The following ZFHX3 variants were observed in gnomAD, a reference collection of about 807,000 sequenced individuals.
The protein encoded by ZFHX3 is zinc finger homeobox protein 3.
In ZFHX3, 42 loss-of-function variants were observed where a neutral mutation model predicts 279.1. The ratio of observed to expected loss-of-function variants is 0.15; its 90% CI spans 0.12 to 0.19. The LOEUF (loss-of-function observed/expected upper bound fraction) is 0.19, where lower values mean the gene tolerates loss of function less well. ZFHX3 is among the 10% of genes least tolerant of loss of function. ZFHX3 has a pLI of 1.00. For missense variants in ZFHX3, 4,981 were observed against 4,754.0 expected (o/e 1.05, Z -1.40); for synonymous variants, 2,293 against 1,957.8 (o/e 1.17, Z -4.52).
At chr16:73,106,827 G>T (rs984865426) in intron 7 of ZFHX3, among the ~76,000 whole-genome samples, 24 of 152,248 alleles carry the variant, frequency 1.6e-4, no homozygotes, top group African/African-American at 5.8e-4. Context: ...ACTTCCAAGG[G>T]TGTCCTCGTG....
intron 8 of ZFHX3, among the ~76,000 whole-genome samples, chr16:73,068,983 G>T (rs919299270): frequency 1.2e-4 from 18 of 152,212 alleles, no homozygotes; most frequent in African/African-American, 3.9e-4. Flanking sequence ...CCCTTTGGGC[G>T]CAACTGCACA....
At chr16:73,310,557 G>T (rs2015301112) in intron 4 of ZFHX3, among the ~76,000 whole-genome samples, 2 of 152,072 alleles carry the variant, frequency 1.3e-5, no homozygotes, top group African/African-American at 4.8e-5. Flanking sequence ...TGTCACAACT[G>T]GGGTGGCAGC....
At chr16:73,140,961 C>T (rs1035431812) in intron 6 of ZFHX3, among the ~76,000 whole-genome samples, 1 of 152,150 alleles carries the variant, frequency 6.6e-6, no homozygotes, top group African/African-American at 2.4e-5. Flanking sequence ...ATAAGAAGCC[C>T]CTCTCTTTGA....
chr16:73,619,972 A>G (rs906417015), intron 2 of ZFHX3, among the ~76,000 whole-genome samples: 5 of 152,154 alleles, frequency 3.3e-5, no homozygotes, highest in African/African-American at 1.2e-4. Flanking sequence ...TTTTTCTTTA[A>G]GAGTGGGGGC....
At chr16:73,041,576 C>T (rs974468856) in intron 1 of ZFHX3, among the ~76,000 whole-genome samples, 14 of 152,090 alleles carry the variant, frequency 9.2e-5, no homozygotes, top group African/African-American at 3.4e-4. Flanking sequence ...ATGCCCATCT[C>T]AATTACGTTA....
At chr16:73,070,739 G>GAGCC (rs1439507626) in intron 8 of ZFHX3, among the ~76,000 whole-genome samples, 3 of 151,652 alleles carry the variant, frequency 2.0e-5, no homozygotes, top group Non-Finnish European at 4.4e-5. Context: ...TCGCACATGT[G>GAGCC]AGCCTCCCTC....
rs923918513 is a variant in ZFHX3 at position 72,998,128 on chromosome 16, C to T, written c.-49-37934G>A. Among the ~76,000 whole-genome samples, 13 of 151,974 alleles carry T rather than the reference C, an allele frequency of 8.6e-5. No individual in the cohort carries two copies. The South Asian group carries it at 1.5e-3, about 17-fold the overall frequency. ...CAAAAAAATAATTCAAGGCTAGGTG[C>T]GGTGGCTCACACCTATAATCTCAGC... On this transcript the variant is annotated intron_variant, in intron 1 of 9. Coordinates refer to ENST00000268489, the MANE Select transcript of ZFHX3 (RefSeq NM_006885.4).
intron 4 of ZFHX3, among the ~76,000 whole-genome samples, chr16:72,862,625 C>G (rs992643882): frequency 2.0e-5 from 3 of 152,166 alleles, no homozygotes; most frequent in South Asian, 4.1e-4. Flanking sequence ...CACTGACTAA[C>G]ACACATGAAG....
intron 1 of ZFHX3, among the ~76,000 whole-genome samples, chr16:73,770,914 T>A (rs1018500479): frequency 6.6e-6 from 1 of 152,136 alleles, no homozygotes; most frequent in East Asian, 1.9e-4. Flanking sequence ...GATGGATGGA[T>A]CACTTTTCTC....
At chr16:73,428,727 C>T (rs1174951509) in intron 3 of ZFHX3, among the ~76,000 whole-genome samples, 1 of 152,154 alleles carries the variant, frequency 6.6e-6, no homozygotes, top group East Asian at 1.9e-4. Flanking sequence ...GTCATTATCC[C>T]TTAAACCTGC....
chr16:72,898,783 C>A (rs1030597234), intron 3 of ZFHX3, among the ~76,000 whole-genome samples: 91 of 150,834 alleles, frequency 6.0e-4, no homozygotes, highest in Admixed American at 5.8e-3. Flanking sequence ...AGGTGCTTCG[C>A]CCATAGTAAA....
chr16:73,276,020 T>C (rs1225729153), intron 4 of ZFHX3, among the ~76,000 whole-genome samples: 2 of 152,052 alleles, frequency 1.3e-5, no homozygotes, highest in African/African-American at 2.4e-5. Context: ...TGGGAACTTA[T>C]TAGAAGATGA....
rs568057181 is a variant in ZFHX3 at position 73,580,306 on chromosome 16, C to T, written c.-1547+99874G>A. Among the ~76,000 whole-genome samples the T allele has an allele frequency of 6.6e-5, 10 of 151,882 alleles. No homozygotes were observed. In the South Asian group the frequency reaches 1.7e-3, roughly 25 times the overall value. On this transcript the variant is annotated intron_variant, in intron 2 of 17. Transcript: ENST00000641206. ...CATCCTGGCCAACATGGTGAAACCC[C>T]ATCTCTACTAAAAATACAAAAATTA...
intron 3 of ZFHX3, among the ~76,000 whole-genome samples, chr16:72,924,505 G>A (rs1959335542): frequency 6.6e-6 from 1 of 152,194 alleles, no homozygotes; most frequent in African/African-American, 2.4e-5. Context: ...GACATAAGTT[G>A]TTTCAAGCCA....
intron 1 of ZFHX3, among the ~76,000 whole-genome samples, chr16:73,021,673 A>G (rs1270006907): frequency 1.3e-5 from 2 of 152,048 alleles, no homozygotes; most frequent in East Asian, 1.9e-4. Flanking sequence ...TCTACTAAAA[A>G]TACAAAAATT....
At chr16:73,530,860 T>C (rs2019788004) in intron 2 of ZFHX3, among the ~76,000 whole-genome samples, 1 of 152,226 alleles carries the variant, frequency 6.6e-6, no homozygotes, top group Non-Finnish European at 1.5e-5. Flanking sequence ...CAGAAAATAC[T>C]TGACAACCAG....
At chr16:73,449,508 C>T (rs529622100) in intron 3 of ZFHX3, among the ~76,000 whole-genome samples, 19 of 152,104 alleles carry the variant, frequency 1.2e-4, no homozygotes, top group African/African-American at 4.3e-4. Context: ...AAAATAACAA[C>T]AACAACAATA....
chr16:73,879,215 T>G (rs2030059131), intron 1 of ZFHX3, among the ~76,000 whole-genome samples: 1 of 150,238 alleles, frequency 6.7e-6, no homozygotes, highest in Non-Finnish European at 1.5e-5. Flanking sequence ...TGCAAAAGGT[T>G]TTTTTTTTCT....
At chr16:73,873,470 G>T (rs1033249465) in intron 1 of ZFHX3, among the ~76,000 whole-genome samples, 1 of 150,560 alleles carries the variant, frequency 6.6e-6, no homozygotes, top group Admixed American at 6.6e-5. Context: ...TTTATCCTAA[G>T]TGGCATATTA....
Sources: allele counts gnomAD v4.1 joint callset (sites outside exome capture counted in the v4.1 genomes callset), GRCh38; gene constraint gnomAD v4.1.1; transcripts MANE v1.5; gene names NCBI Gene and HGNC (gene_info 2026-07-23, HGNC 2026-07-21).